Variants in LRRC27 observed in about 807,000 individuals in gnomAD.
LRRC27 encodes the protein leucine-rich repeat-containing protein 27.
A neutral mutation model predicts 55.0 loss-of-function variants in LRRC27; 57 were observed. That is an observed-to-expected ratio of 1.04 (90% CI 0.84 to 1.29). The LOEUF (loss-of-function observed/expected upper bound fraction) is 1.29. Among genes scored for constraint, LRRC27 ranks in the 50% most tolerant of loss-of-function variants. LRRC27 has a pLI of 0.00. For missense variants in LRRC27, 721 were observed against 651.5 expected (o/e 1.11, Z -1.16); for synonymous variants, 278 against 251.9 (o/e 1.10, Z -0.98).
chr10:132,331,876 G>GAAAAACGGATGCTACCGTTGGCCGCGT, upstream of LRRC27: 1 of 1,224,818 alleles, frequency 8.2e-7, no homozygotes, highest in Non-Finnish European at 1.1e-6. Context: ...TGCGTGCGCA[G>GAAAAACGGATGCTACCGTTGGCCGCGT]GCGCACCACC....
intron 2 of LRRC27, chr10:132,337,036 C>T: frequency 8.0e-7 from 1 of 1,254,370 alleles, no homozygotes; most frequent in Non-Finnish European, 1.0e-6. Context: ...TGAAATGCTG[C>T]TCGCTGAGGC....
At chr10:132,338,236 A>G (rs753097127) in intron 3 of LRRC27, among the ~76,000 whole-genome samples, 1 of 151,654 alleles carries the variant, frequency 6.6e-6, no homozygotes, top group Non-Finnish European at 1.5e-5. Flanking sequence ...GAATTGCTTG[A>G]CCCCAGGAGG....
intron 2 of LRRC27, 90 bp from the exon 3 acceptor site, chr10:132,337,475 G>A (rs1304227549): frequency 1.0e-5 from 16 of 1,544,008 alleles, no homozygotes; most frequent in Admixed American, 2.0e-5. Context: ...CTGGTTGTTA[G>A]TAGTTCTTTT....
At chr10:132,356,040 T>C (rs1352306209) in intron 8 of LRRC27, among the ~76,000 whole-genome samples, 154 bp downstream of exon 8, 2 of 151,642 alleles carry the variant, frequency 1.3e-5, no homozygotes, top group Non-Finnish European at 2.9e-5. Flanking sequence ...AGCTGAGACT[T>C]GGGGAGGAAG....
intron 6 of LRRC27, 25 bp from the exon 7 acceptor site, chr10:132,351,582 A>C: frequency 6.2e-7 from 1 of 1,601,644 alleles, no homozygotes; most frequent in Non-Finnish European, 8.5e-7. Context: ...TTAAACATTC[A>C]GCTAAAAACA....
At position 132,361,441 on chromosome 10, in the gene LRRC27, T is replaced by A. The variant is rs779468458; in HGVS notation, c.1171-16T>A. ...TCTACTGGGATTCCAGAAATCATCTTGTTGCATTTTCCTAGGTGGCATCAA... is the reference window on the plus strand; with the variant it reads ...TCTACTGGGATTCCAGAAATCATCTAGTTGCATTTTCCTAGGTGGCATCAA... On this transcript the variant is annotated splice_polypyrimidine_tract_variant and intron_variant, in intron 8 of 10. Coordinates refer to ENST00000368614, the MANE Select transcript of LRRC27 (RefSeq NM_030626.3). 1 of 1,570,672 alleles carries A rather than the reference T, an allele frequency of 6.4e-7. No homozygotes were observed.
chr10:132,379,200 T>A lies in LRRC27; in HGVS notation c.*3958T>A, dbSNP rs1427252648. The A allele has an allele frequency of 6.7e-6, 1 of 149,398 alleles. No individual in the cohort carries two copies. Among genetic ancestry groups the A allele is most frequent in the Admixed American group, 6.8e-5 (1 of 14,774 alleles). The allele number at this position is 149,398 out of a possible 1,614,324, so 9.3% of individuals were successfully genotyped here. On this transcript the variant is annotated 3_prime_UTR_variant, in exon 11 of 11. Coordinates refer to ENST00000368614, the MANE Select transcript of LRRC27 (RefSeq NM_030626.3). ...GATCCCATCCTGCTCCTCTCCAGAG[T>A]TTCCTCTCACCTCCGTGTTCTCGGG...
intron 7 of LRRC27, among the ~76,000 whole-genome samples, chr10:132,354,304 G>C (rs185947194): frequency 1.6e-3 from 248 of 152,312 alleles, no homozygotes; most frequent in African/African-American, 5.6e-3. Context: ...TGAGCAGCTC[G>C]GCAGGCCTAT....
rs1310933199 is a variant in LRRC27, at chr10:132,347,986, G to A, written c.556G>A (p.Ala186Thr). 1 of 1,598,540 alleles carries A rather than the reference G, an allele frequency of 6.3e-7. No homozygotes were observed. Among genetic ancestry groups the A allele is most frequent in the Non-Finnish European group, 8.5e-7 (1 of 1,173,342 alleles). The change falls in exon 6 of 11, where the codon GCT (alanine) becomes ACT (threonine). Residue 186 changes from alanine to threonine, a missense_variant and splice_region_variant. Coordinates refer to ENST00000368614, the MANE Select transcript of LRRC27 (RefSeq NM_030626.3). ...SLPRNPTSQE[A>T]PPVREMTLRD... ...AAAGCGGTTTCTTACTCTCCCAGAG[G>A]CTCCACCGGTTAGAGAGATGACCCT...
intron 10 of LRRC27, among the ~76,000 whole-genome samples, chr10:132,367,750 C>T (rs1379758155): frequency 2.0e-5 from 3 of 152,216 alleles, no homozygotes; most frequent in Non-Finnish European, 4.4e-5. Flanking sequence ...TTACAGCTAA[C>T]ATTATTCTTA....
At chr10:132,373,344 A>G (rs2069259974) in intron 10 of LRRC27, among the ~76,000 whole-genome samples, 1 of 152,174 alleles carries the variant, frequency 6.6e-6, no homozygotes. Context: ...GAGAAGGTGC[A>G]GGAGGGCTCG....
chr10:132,348,294 T>C lies in LRRC27; in HGVS notation c.864T>C (p.Pro288=). 6.2e-7 allele frequency: 1 copy of C among 1,613,994 alleles called. No homozygotes were observed. The change falls in exon 6 of 11, where the codon CCT becomes CCC. Residue 288 remains proline, a synonymous_variant. Transcript: ENST00000368614. This position sits in a 1 kb window ranked among gnomAD's most constrained non-coding sequence, Gnocchi z 4.2. ...LGDQLLTREL[P]PNLKAALNIE... ...ATCAGCTCTTGACGAGGGAATTACCTCCAAATCTCAAGGCGGCCTTGAACA... is the reference window on the plus strand; with the variant it reads ...ATCAGCTCTTGACGAGGGAATTACCCCCAAATCTCAAGGCGGCCTTGAACA...
chr10:132,353,366 TC>T (rs1380898186), intron 7 of LRRC27: 2 of 1,072,104 alleles, frequency 1.9e-6, no homozygotes, highest in East Asian at 7.1e-5. Context: ...ACCTGCTCCC[TC>T]CCCAACATGA....
intron 10 of LRRC27, among the ~76,000 whole-genome samples, chr10:132,365,796 G>T (rs2069052088): frequency 6.6e-6 from 1 of 152,142 alleles, no homozygotes; most frequent in African/African-American, 2.4e-5. Context: ...ATAGGGTTTT[G>T]CCATGTTGGC....
intron 5 of LRRC27, among the ~76,000 whole-genome samples, chr10:132,345,798 C>T (rs537510810): frequency 5.9e-5 from 9 of 152,224 alleles, no homozygotes; most frequent in African/African-American, 2.2e-4. Context: ...ACAGGAGACA[C>T]GGACAGACCC....
At chr10:132,335,073 A>C (rs889256938) in intron 2 of LRRC27, 1 of 152,238 alleles carries the variant, frequency 6.6e-6, no homozygotes, top group African/African-American at 2.4e-5. Flanking sequence ...TTGTATTGTG[A>C]CATAGCCACC....
intron 9 of LRRC27, among the ~76,000 whole-genome samples, chr10:132,364,549 A>ACACCCACACTTACACC (rs1299895421): frequency 1.2e-4 from 4 of 34,362 alleles, no homozygotes; most frequent in African/African-American, 2.3e-4. Context: ...ATCTACCTCC[A>ACACCCACACTTACACC]CACCCACACT....
At position 132,363,053 on chromosome 10, in the gene LRRC27, C is replaced by T. The variant is rs1417276031; in HGVS notation, c.1289+1478C>T. The stretch of plus-strand genomic sequence containing the variant: ...AGCAGCTCAGGAGTATGGGGTTCAC[C>T]CTTCTCACCTCACACCAGCTCGGTG... On this transcript the variant is annotated intron_variant, in intron 9 of 10. Coordinates refer to ENST00000368614, the MANE Select transcript of LRRC27 (RefSeq NM_030626.3). 1.7e-5 allele frequency among the ~76,000 whole-genome samples: 2 copies of T among 120,908 alleles called. 1 individual carries two copies. Among genetic ancestry groups the T allele is most frequent in the Non-Finnish European group, 3.6e-5 (2 of 55,302 alleles). The allele number at this position is 120,908 out of a possible 152,430, so 79.3% of individuals were successfully genotyped here.
rs557922665 is a variant in LRRC27 at position 132,332,237 on chromosome 10, A to G, written c.-68A>G. 5.9e-5 allele frequency: 9 copies of G among 153,616 alleles called. No individual in the cohort carries two copies. In the South Asian group the frequency reaches 1.8e-3, roughly 31 times the overall value. The allele number at this position is 153,616 out of a possible 1,614,324, so 9.5% of individuals were successfully genotyped here. A position where few individuals can be genotyped will look rare whatever the true frequency, so the allele number is the denominator to read the frequency against. ...CAGCGGCGGGGCTCGCCAGCGCTTCAGTGGGCGGGGACGCGGCAGGTGAGA... is the reference window on the plus strand; with the variant it reads ...CAGCGGCGGGGCTCGCCAGCGCTTCGGTGGGCGGGGACGCGGCAGGTGAGA... On this transcript the variant is annotated 5_prime_UTR_variant, in exon 1 of 11. Transcript: ENST00000368614.
Sources: allele counts gnomAD v4.1 joint callset (sites outside exome capture counted in the v4.1 genomes callset), GRCh38; gene constraint gnomAD v4.1.1; non-coding constraint Gnocchi (gnomAD v3.1); transcripts MANE v1.5; gene names NCBI Gene and HGNC (gene_info 2026-07-23, HGNC 2026-07-21).